Variants in PPFIA2 observed in about 807,000 individuals in gnomAD.
The protein encoded by PPFIA2 is PPFI scaffold protein A2, also known as liprin-alpha-2.
PPFIA2 carries 46 observed loss-of-function variants against 175.5 expected under a neutral mutation model. The observed-to-expected ratio is 0.26, with a 90% CI of 0.21 to 0.34. The LOEUF is 0.34. Among genes scored for constraint, PPFIA2 ranks in the 10% least tolerant of loss-of-function variants. The probability of loss-of-function intolerance (pLI) is 1.00; values close to 1 mark genes in which losing one functional copy is unlikely to be tolerated. For synonymous variants in PPFIA2, 568 were observed against 511.4 expected, an observed-to-expected ratio of 1.11 and a Z score of -1.49; for missense variants, 1,179 against 1,506.1, an observed-to-expected ratio of 0.78 and a Z score of 3.60.
intron 5 of PPFIA2, among the ~76,000 whole-genome samples, chr12:81,450,968 G>A (rs937827072): frequency 1.3e-5 from 2 of 152,090 alleles, no homozygotes; most frequent in Non-Finnish European, 2.9e-5. Flanking sequence ...AAATAAGATA[G>A]AGTTTCTTTC....
intron 1 of PPFIA2, 180 bp downstream of exon 1, chr12:81,759,100 T>C (rs1467418077): frequency 6.6e-6 from 1 of 151,888 alleles, no homozygotes; most frequent in Non-Finnish European, 1.5e-5. Context: ...CTCCCGTGTC[T>C]CGTTTCACTT....
At chr12:81,527,115 T>A (rs2063821278) in intron 4 of PPFIA2, among the ~76,000 whole-genome samples, 3 of 152,172 alleles carry the variant, frequency 2.0e-5, no homozygotes, top group African/African-American at 4.8e-5. Flanking sequence ...AATTTAGTCA[T>A]TTTCTTTGCC....
chr12:81,341,561 G>A lies in PPFIA2; in HGVS notation c.2263-353C>T, dbSNP rs571431380. Among the ~76,000 whole-genome samples, 2 of 152,144 alleles carry A rather than the reference G, an allele frequency of 1.3e-5. 1 individual carries two copies. Among genetic ancestry groups the A allele is most frequent in the African/African-American group, 4.8e-5 (2 of 41,526 alleles). ...ACGAATTCGTAAACTGTCTTAAAAC[G>A]ATTTATGCACGGACCTTTTTTTTAA... On this transcript the variant is annotated intron_variant, in intron 19 of 32. Coordinates refer to ENST00000549396, the MANE Select transcript of PPFIA2 (RefSeq NM_003625.5).
At chr12:81,367,218 T>C in intron 13 of PPFIA2, 48 bp from the exon 14 acceptor site, 1 of 1,143,504 alleles carries the variant, frequency 8.7e-7, no homozygotes, top group Non-Finnish European at 1.2e-6. Flanking sequence ...AAACATAAAA[T>C]ACTTAAAAAT....
At chr12:81,589,278 G>T (rs555103316) in intron 4 of PPFIA2, among the ~76,000 whole-genome samples, 1 of 151,888 alleles carries the variant, frequency 6.6e-6, no homozygotes, top group African/African-American at 2.4e-5. Context: ...GAGCCCCAAA[G>T]GCTACTCATT....
chr12:81,523,354 C>T lies in PPFIA2; in HGVS notation c.304-65488G>A, dbSNP rs1343444163. On this transcript the variant is annotated intron_variant, in intron 4 of 32. Coordinates refer to ENST00000549396, the MANE Select transcript of PPFIA2 (RefSeq NM_003625.5). ...AATTGACCACCCCCTATATTCTTAT[C>T]CCTGTGAGATGTTTTAATCTTCACA... 2.6e-5 allele frequency among the ~76,000 whole-genome samples: 4 copies of T among 151,456 alleles called. No individual in the cohort carries two copies. In the East Asian group the frequency reaches 7.7e-4, roughly 29 times the overall value.
At chr12:81,305,895 C>T (rs375865995) in intron 22 of PPFIA2, among the ~76,000 whole-genome samples, 1 of 152,148 alleles carries the variant, frequency 6.6e-6, no homozygotes, top group African/African-American at 2.4e-5. Flanking sequence ...AAGTCACAGA[C>T]CATAGGGAAC....
At chr12:81,379,517 T>C (rs1237530959) in intron 9 of PPFIA2, among the ~76,000 whole-genome samples, 1 of 152,132 alleles carries the variant, frequency 6.6e-6, no homozygotes, top group Non-Finnish European at 1.5e-5. Flanking sequence ...AAAATGTAAT[T>C]AAAATACTCC....
intron 27 of PPFIA2, among the ~76,000 whole-genome samples, chr12:81,280,107 A>C (rs1226161700): frequency 2.2e-4 from 33 of 152,220 alleles, no homozygotes; most frequent in Admixed American, 2.2e-3. Flanking sequence ...CCCACAAATA[A>C]ATGCAATTTC....
Position 81,550,112 on chromosome 12 carries a change from G to A in PPFIA2, c.304-92246C>T, listed in dbSNP as rs143689003. Among the ~76,000 whole-genome samples the A allele has an allele frequency of 1.1e-4, 17 of 152,052 alleles. 1 individual carries two copies. Among genetic ancestry groups the A allele is most frequent in the African/African-American group, 4.1e-4 (17 of 41,530 alleles). ...ACGAATTACTTAGCAGGAGGCACTAGAGACTTAGAGTAAATGACAAAAATC... is the reference window on the plus strand; with the variant it reads ...ACGAATTACTTAGCAGGAGGCACTAAAGACTTAGAGTAAATGACAAAAATC... On this transcript the variant is annotated intron_variant, in intron 4 of 32. Transcript: ENST00000549396.
chr12:81,526,396 A>C (rs2063737658), intron 4 of PPFIA2, among the ~76,000 whole-genome samples: 1 of 152,166 alleles, frequency 6.6e-6, no homozygotes, highest in East Asian at 1.9e-4. Flanking sequence ...AACACAATCA[A>C]TTGTGTTTAA....
chr12:81,469,313 A>G (rs1251969847), intron 4 of PPFIA2, among the ~76,000 whole-genome samples: 4 of 152,232 alleles, frequency 2.6e-5, no homozygotes, highest in Admixed American at 2.6e-4. Context: ...AATATGTAGG[A>G]GAGCCTGTGA....
At chr12:81,542,561 C>A (rs2066384350) in intron 4 of PPFIA2, among the ~76,000 whole-genome samples, 1 of 152,038 alleles carries the variant, frequency 6.6e-6, no homozygotes, top group South Asian at 2.1e-4. Context: ...AGTAATGGGA[C>A]CCCAGTAACA....
Position 81,676,791 on chromosome 12 carries a change from CG to C in PPFIA2, c.302del (p.Pro101ArgfsTer6). 1 of 1,552,662 alleles carries C rather than the reference CG, an allele frequency of 6.4e-7. No homozygotes were observed. Among genetic ancestry groups the C allele is most frequent in the South Asian group, 1.2e-5 (1 of 82,162 alleles). On this transcript the variant is annotated frameshift_variant and splice_region_variant, in exon 4 of 33. Transcript: ENST00000549396. LOFTEE classifies it high-confidence loss of function. ...AAATTTAATGAAGAATCTAACTTAC[CG>C]GTGGATCAGCCCCCTTAGAACCAGC... The part of the protein sequence containing the change: ...GLAGSKGADP[P>X]EFAALTKELN...
intron 4 of PPFIA2, among the ~76,000 whole-genome samples, chr12:81,613,828 G>C (rs2061173329): frequency 6.6e-6 from 1 of 152,124 alleles, no homozygotes; most frequent in South Asian, 2.1e-4. Flanking sequence ...TTCTCTGTGA[G>C]TGTGAGTTGC....
intron 21 of PPFIA2, among the ~76,000 whole-genome samples, chr12:81,338,802 C>T (rs568085651): frequency 5.5e-4 from 83 of 152,192 alleles, no homozygotes; most frequent in Non-Finnish European, 1.1e-3. Flanking sequence ...GATTTTGAAA[C>T]ATTGGCACCA....
intron 4 of PPFIA2, among the ~76,000 whole-genome samples, chr12:81,532,547 T>C (rs926212243): frequency 2.0e-5 from 3 of 151,756 alleles, no homozygotes; most frequent in Non-Finnish European, 4.4e-5. Context: ...GGGTAGAAAA[T>C]GCAAAGAACC....
chr12:81,522,002 A>G (rs1303280863), intron 4 of PPFIA2, among the ~76,000 whole-genome samples: 1 of 152,208 alleles, frequency 6.6e-6, no homozygotes, highest in African/African-American at 2.4e-5. Flanking sequence ...AAATGCATTT[A>G]CCTATTGGAA....
At chr12:81,333,557 C>T (rs2056537641) in intron 21 of PPFIA2, among the ~76,000 whole-genome samples, 1 of 152,072 alleles carries the variant, frequency 6.6e-6, no homozygotes, top group Non-Finnish European at 1.5e-5. Context: ...TTCATATCAA[C>T]TCTTATGTCT....
Sources: allele counts gnomAD v4.1 joint callset (sites outside exome capture counted in the v4.1 genomes callset), GRCh38; gene constraint gnomAD v4.1.1; transcripts MANE v1.5; gene names NCBI Gene and HGNC (gene_info 2026-07-23, HGNC 2026-07-21).